MTSS1: variants seen among roughly 807,000 people sequenced by gnomAD.
MTSS1 encodes the protein protein MTSS 1.
A neutral mutation model predicts 79.0 loss-of-function variants in MTSS1; 18 were observed. That is an observed-to-expected ratio of 0.23 (90% CI 0.16 to 0.34). The LOEUF (loss-of-function observed/expected upper bound fraction) is 0.34. MTSS1 is among the 10% of genes least tolerant of loss of function. The pLI, the probability that MTSS1 is intolerant of heterozygous loss-of-function variation, is 1.00. For synonymous variants in MTSS1, 341 were observed against 368.6 expected (o/e 0.93, Z 0.86); for missense variants, 815 against 986.2 (o/e 0.83, Z 2.33).
intron 5 of MTSS1, among the ~76,000 whole-genome samples, chr8:124,585,975 A>C (rs983778087): frequency 6.6e-6 from 1 of 152,136 alleles, no homozygotes; most frequent in Non-Finnish European, 1.5e-5. Context: ...TTTCAGCATG[A>C]ATCCTGTGGC....
At chr8:124,622,722 G>T (rs934928401) in intron 3 of MTSS1, among the ~76,000 whole-genome samples, 1 of 151,560 alleles carries the variant, frequency 6.6e-6, no homozygotes, top group East Asian at 1.9e-4. Context: ...GAGCCCGGGT[G>T]GTGGAGGTTA....
At chr8:124,677,172 T>C (rs1825439190) in intron 3 of MTSS1, among the ~76,000 whole-genome samples, 2 of 152,186 alleles carry the variant, frequency 1.3e-5, no homozygotes, top group Admixed American at 1.3e-4. Flanking sequence ...GGTACACAAA[T>C]CAGGAGGAGG....
intron 3 of MTSS1, among the ~76,000 whole-genome samples, chr8:124,642,937 T>G (rs922730168): frequency 7.9e-5 from 12 of 152,216 alleles, no homozygotes; most frequent in African/African-American, 2.4e-4. Context: ...TTTTCTCATC[T>G]GTGAAACAGG....
At chr8:124,629,661 G>A (rs1360636422) in intron 3 of MTSS1, among the ~76,000 whole-genome samples, 2 of 152,056 alleles carry the variant, frequency 1.3e-5, no homozygotes, top group Non-Finnish European at 2.9e-5. Flanking sequence ...TGGTGAGACA[G>A]CCAAGTGCCT....
At chr8:124,670,287 T>C (rs1024475946) in intron 3 of MTSS1, among the ~76,000 whole-genome samples, 1 of 152,072 alleles carries the variant, frequency 6.6e-6, no homozygotes, top group Non-Finnish European at 1.5e-5. Flanking sequence ...GCAAATATTG[T>C]GATCCTGGGA....
intron 3 of MTSS1, among the ~76,000 whole-genome samples, chr8:124,689,184 G>A (rs1018488717): frequency 1.3e-5 from 2 of 152,088 alleles, no homozygotes; most frequent in Admixed American, 6.5e-5. Context: ...CACAAGCGCA[G>A]GTTAAAGTGA....
chr8:124,643,553 C>T (rs1001159931), intron 3 of MTSS1, among the ~76,000 whole-genome samples: 26 of 152,076 alleles, frequency 1.7e-4, no homozygotes, highest in East Asian at 9.7e-4. Flanking sequence ...AAAAAATTAG[C>T]CAGGCGTGGT....
intron 3 of MTSS1, among the ~76,000 whole-genome samples, chr8:124,677,579 C>T (rs947299346): frequency 6.6e-6 from 1 of 152,196 alleles, no homozygotes; most frequent in African/African-American, 2.4e-5. Flanking sequence ...TCATTCTTAG[C>T]TCATGGGCCA....
chr8:124,608,516 T>C (rs1451337923), intron 3 of MTSS1, among the ~76,000 whole-genome samples: 1 of 152,232 alleles, frequency 6.6e-6, no homozygotes, highest in Non-Finnish European at 1.5e-5. Flanking sequence ...CACTGTATTG[T>C]GCATGTTCAG....
chr8:124,649,722 A>G lies in MTSS1; in HGVS notation c.208+49804T>C, dbSNP rs375806489. On this transcript the variant is annotated intron_variant, in intron 3 of 13. Coordinates refer to ENST00000518547, the MANE Select transcript of MTSS1 (RefSeq NM_014751.6). ...TTCCTACTGCTATGACCTCGAAAAG[A>G]TCATAGACTCAGCACGACAACCAAA... 5.9e-5 allele frequency among the ~76,000 whole-genome samples: 9 copies of G among 152,280 alleles called. No individual in the cohort carries two copies. In the East Asian group the frequency reaches 1.7e-3, roughly 29 times the overall value.
chr8:124,585,623 C>A (rs1367244077), intron 5 of MTSS1, among the ~76,000 whole-genome samples: 2 of 152,044 alleles, frequency 1.3e-5, no homozygotes, highest in East Asian at 3.9e-4. Flanking sequence ...CCATGTTGGC[C>A]AGGCTGGTCT....
At chr8:124,594,388 A>G (rs1011140895) in intron 3 of MTSS1, among the ~76,000 whole-genome samples, 2 of 152,124 alleles carry the variant, frequency 1.3e-5, no homozygotes, top group African/African-American at 4.8e-5. Context: ...AAAATCAGCC[A>G]GGTGTGGTGG....
chr8:124,631,394 C>T (rs745854784), intron 3 of MTSS1, among the ~76,000 whole-genome samples: 10 of 152,198 alleles, frequency 6.6e-5, no homozygotes, highest in Non-Finnish European at 1.3e-4. Context: ...AGTACGTCCA[C>T]GTGCTAGGAA....
chr8:124,568,506 C>T lies in MTSS1; in HGVS notation c.491G>A (p.Ser164Asn), dbSNP rs1827012925. 1 of 1,614,208 alleles carries T rather than the reference C, an allele frequency of 6.2e-7. No individual in the cohort carries two copies. Among genetic ancestry groups the T allele is most frequent in the African/African-American group, 1.3e-5 (1 of 75,052 alleles). The change falls in exon 7 of 14, where the codon AGT becomes AAT. Residue 164 changes from serine to asparagine, a missense_variant. Ser to Asn is a conservative substitution (Grantham distance 46). Coordinates refer to ENST00000518547, the MANE Select transcript of MTSS1 (RefSeq NM_014751.6). ...GRGDIQPQLD[S>N]ALQDVNDKYL... is the part of the protein sequence containing the mutation. Reference sequence around the variant, plus strand: ...CTTATCATTGACATCTTGGAGAGCACTGTCCAACTGAGGCTGGATATCACC... The same window carrying T: ...CTTATCATTGACATCTTGGAGAGCATTGTCCAACTGAGGCTGGATATCACC...
chr8:124,578,882 A>C (rs1277568685), intron 6 of MTSS1, among the ~76,000 whole-genome samples: 1 of 152,104 alleles, frequency 6.6e-6, no homozygotes, highest in African/African-American at 2.4e-5. Flanking sequence ...CAACGCGCCC[A>C]GCCAAGCCAA....
Position 124,553,188 on chromosome 8 carries a change from G to A in MTSS1, c.2072C>T (p.Pro691Leu). ...TTCCTGGTCTTCAGCTTCACTTTCT[G>A]GAATTGCCTGTCTGTGCTCCTCAGG... ...SIPEEHRQAIPESEAEDQERE... is the reference protein window; with the variant it reads ...SIPEEHRQAILESEAEDQERE... Residue 691 changes from proline to leucine, a missense_variant, in exon 14 of 14, where the codon CCA (proline) becomes CTA (leucine). Coordinates refer to ENST00000518547, the MANE Select transcript of MTSS1 (RefSeq NM_014751.6). This position sits in a 1 kb window ranked among gnomAD's most constrained non-coding sequence, Gnocchi z 6.0. 1 of 1,614,096 alleles carries A rather than the reference G, an allele frequency of 6.2e-7. No individual in the cohort carries two copies. Among genetic ancestry groups the A allele is most frequent in the Non-Finnish European group, 8.5e-7 (1 of 1,180,020 alleles).
chr8:124,674,443 G>A (rs78292260), intron 3 of MTSS1, among the ~76,000 whole-genome samples: 3,909 of 152,220 alleles, frequency 0.026, 171 homozygotes, highest in African/African-American at 0.09. Flanking sequence ...GCCTCCTGGT[G>A]CAAGCAATTC....
In MTSS1 at chr8:124,568,775, G is replaced by C. The variant is rs1022929096; in HGVS notation, c.461-239C>G. On this transcript the variant is annotated intron_variant, in intron 6 of 13. Coordinates refer to ENST00000518547, the MANE Select transcript of MTSS1 (RefSeq NM_014751.6). The stretch of plus-strand genomic sequence containing the variant: ...TTATTCCTGACAAGGAAAATGTCCT[G>C]GGGCAACTCTTCATGACTTGCCTTC... 5.5e-6 allele frequency: 8 copies of C among 1,453,926 alleles called. No individual in the cohort carries two copies. In the African/African-American group the frequency reaches 1.1e-4, roughly 21 times the overall value. The allele number at this position is 1,453,926 out of a possible 1,614,324, so 90.1% of individuals were successfully genotyped here.
At chr8:124,639,665 T>C (rs1587499315) in intron 3 of MTSS1, among the ~76,000 whole-genome samples, 2 of 152,144 alleles carry the variant, frequency 1.3e-5, no homozygotes, top group South Asian at 4.1e-4. Context: ...GGTTTTTCCA[T>C]GTTGCCCAGG....
Sources: gnomAD v4.1 joint callset for allele counts (sites outside exome capture counted in the v4.1 genomes callset) on GRCh38, gnomAD v4.1.1 for gene constraint, Gnocchi (gnomAD v3.1) non-coding constraint, MANE v1.5 for transcripts, NCBI Gene and HGNC (gene_info 2026-07-23, HGNC 2026-07-21) for gene names.